The following PLOD1 variants were observed in gnomAD, a reference collection of about 807,000 sequenced individuals.
PLOD1 encodes the protein procollagen-lysine,2-oxoglutarate 5-dioxygenase 1.
In PLOD1, 70 loss-of-function variants were observed where a neutral mutation model predicts 94.7. The observed-to-expected ratio is 0.74, with a 90% CI of 0.61 to 0.90. The LOEUF (loss-of-function observed/expected upper bound fraction) is 0.90. Ranked by LOEUF, PLOD1 falls within the 40% of genes least tolerant of loss-of-function variation. The pLI is 0.00. For missense variants in PLOD1, 905 were observed against 972.7 expected (o/e 0.93, Z 0.93); for synonymous variants, 417 against 400.2 (o/e 1.04, Z -0.50).
intron 15 of PLOD1, among the ~76,000 whole-genome samples, chr1:11,966,680 G>T (rs531898143): frequency 3.3e-5 from 5 of 152,094 alleles, no homozygotes; most frequent in Non-Finnish European, 5.9e-5. Flanking sequence ...GGACCACTTC[G>T]GGGAGTGGCT....
chr1:11,964,300 T>G lies in PLOD1; in HGVS notation c.1328T>G (p.Val443Gly). ...GTGGACATTGTGCAGGGGCGGCGTG[T>G]GTGAGTACCTGCAGGGTGGGGGTGG... is the stretch of plus-strand genomic sequence containing the variant. ...DYVDIVQGRR[V>G]GVWNVPYISN... Residue 443 changes from valine (V) to glycine (G), a missense_variant and splice_region_variant, in exon 12 of 19, where the codon GTT (valine) becomes GGT (glycine). Transcript: ENST00000196061. The G allele has an allele frequency of 6.7e-7, 1 of 1,492,132 alleles. No homozygotes were observed. The highest frequency in any genetic ancestry group is 1.5e-5 in the African/African-American group (1 of 68,628). 92.4% of individuals were successfully genotyped at this position (1,492,132 alleles called of 1,614,324 possible). A position where few individuals can be genotyped will look rare whatever the true frequency, so the allele number is the denominator to read the frequency against.
chr1:11,945,090 T>C (rs1645641335), intron 1 of PLOD1, among the ~76,000 whole-genome samples: 1 of 152,026 alleles, frequency 6.6e-6, no homozygotes. Context: ...AGGGACGTCA[T>C]TGTCACTGGC....
chr1:11,944,615 C>T, intron 1 of PLOD1: 1 of 1,365,006 alleles, frequency 7.3e-7, no homozygotes, highest in Non-Finnish European at 9.8e-7. Context: ...CGGGGGAGCC[C>T]TTCCCCAAGT....
At chr1:11,934,900 A>C in intron 1 of PLOD1, 45 bp downstream of exon 1, 1 of 1,525,652 alleles carries the variant, frequency 6.6e-7, no homozygotes. Context: ...TCCGGGCGGG[A>C]GGGCTGGTGT....
Position 11,966,999 on chromosome 1 carries a change from G to A in PLOD1, c.1663G>A (p.Val555Ile). 6.2e-7 allele frequency: 1 copy of A among 1,612,406 alleles called. No homozygotes were observed. The change falls in exon 16 of 19, where the codon GTC becomes ATC. Residue 555 changes from valine (V) to isoleucine (I), a missense_variant. Physicochemically the swap from Val to Ile is conservative, Grantham distance 29 (BLOSUM62 3). Transcript: ENST00000196061. ...CTGCCCTCCCCAGCCCTGCCCGGAT[G>A]TCTATTGGTTCCCCATCTTCACGGA... Reference protein sequence around the residue: ...GKLVETPCPDVYWFPIFTEVA... With the variant: ...GKLVETPCPDIYWFPIFTEVA...
At chr1:11,944,496 T>C in intron 1 of PLOD1, 1 of 1,323,624 alleles carries the variant, frequency 7.6e-7, no homozygotes, top group Non-Finnish European at 1.0e-6. Flanking sequence ...ATCCATGAAA[T>C]GTGACACTCT....
chr1:11,963,981 G>T lies in PLOD1; in HGVS notation c.1203-194G>T, dbSNP rs116185627. 0.026 allele frequency among the ~76,000 whole-genome samples: 4,018 copies of T among 152,212 alleles called. 150 individuals carry two copies. The highest frequency in any genetic ancestry group is 0.077 in the African/African-American group (3,208 of 41,522). On this transcript the variant is annotated intron_variant, in intron 11 of 18. Coordinates refer to ENST00000196061, the MANE Select transcript of PLOD1 (RefSeq NM_000302.4). This position sits in a 1 kb window ranked among gnomAD's most constrained non-coding sequence, Gnocchi z 4.3. ...TGTCCTGCCCTGTCTGCTCCTGGCT[G>T]CCCCATGGGAGGGAGCAGGTACCAG...
chr1:11,963,405 C>A lies in PLOD1; in HGVS notation c.1098-127C>A. The A allele has an allele frequency of 1.4e-6, 1 of 706,328 alleles. No individual in the cohort carries two copies. The highest frequency in any genetic ancestry group is 2.6e-6 in the Non-Finnish European group (1 of 386,492). 43.8% of individuals were successfully genotyped at this position (706,328 alleles called of 1,614,324 possible). On this transcript the variant is annotated intron_variant, in intron 10 of 18. Coordinates refer to ENST00000196061, the MANE Select transcript of PLOD1 (RefSeq NM_000302.4). This position sits in a 1 kb window ranked among gnomAD's most constrained non-coding sequence, Gnocchi z 4.3. ...TCAGAGTCGGGAGGAACCTTTGAGG[C>A]TGCTGGTGTGACCTCTCTAAAGCCC...
chr1:11,948,080 C>T lies in PLOD1; in HGVS notation c.168+13C>T, dbSNP rs750185258. On this transcript the variant is annotated intron_variant, in intron 2 of 18. Transcript: ENST00000196061. ...CTACAAGATCCAGGTAAGGGGTTTC[C>T]TGGGTGAGGCAGAGACAGTGAGGGG... 1.3e-6 allele frequency: 2 copies of T among 1,580,056 alleles called. No individual in the cohort carries two copies. The highest frequency in any genetic ancestry group is 1.1e-5 in the South Asian group (1 of 90,442).
intron 6 of PLOD1, among the ~76,000 whole-genome samples, chr1:11,956,564 T>C (rs947830664): frequency 3.3e-5 from 5 of 152,112 alleles, no homozygotes; most frequent in African/African-American, 1.2e-4. Flanking sequence ...ACCCTTTCTC[T>C]TGGGGCTTCT....
chr1:11,950,208 G>A (rs1213581290), intron 3 of PLOD1, 149 bp from the exon 4 acceptor site: 3 of 792,384 alleles, frequency 3.8e-6, no homozygotes, highest in African/African-American at 3.4e-5. Flanking sequence ...TGCAGACAGA[G>A]ACAGGTCCAT....
Position 11,963,390 on chromosome 1 carries a change from G to A in PLOD1, c.1098-142G>A, listed in dbSNP as rs1645792172. The A allele has an allele frequency of 2.9e-6, 2 of 686,498 alleles. No individual in the cohort carries two copies. The highest frequency in any genetic ancestry group is 4.1e-5 in the Admixed American group (2 of 49,068). 42.5% of individuals were successfully genotyped at this position (686,498 alleles called of 1,614,324 possible). A position where few individuals can be genotyped will look rare whatever the true frequency, so the allele number is the denominator to read the frequency against. On this transcript the variant is annotated intron_variant, in intron 10 of 18. Transcript: ENST00000196061. The surrounding 1 kb of genome is among the most constrained non-coding windows in gnomAD (Gnocchi z 4.3). Reference sequence around the variant, plus strand: ...CCAGGGGTTTGGGACTCAGAGTCGGGAGGAACCTTTGAGGCTGCTGGTGTG... The same window carrying A: ...CCAGGGGTTTGGGACTCAGAGTCGGAAGGAACCTTTGAGGCTGCTGGTGTG...
intron 18 of PLOD1, among the ~76,000 whole-genome samples, chr1:11,973,606 G>A (rs951077088): frequency 6.6e-6 from 1 of 151,032 alleles, no homozygotes; most frequent in East Asian, 1.9e-4. Flanking sequence ...TCGAGACAGG[G>A]TCTTGCTCTG....
At chr1:11,964,525 G>T (rs1645801871) in intron 12 of PLOD1, 119 bp from the exon 13 acceptor site, 1 of 1,060,674 alleles carries the variant, frequency 9.4e-7, no homozygotes, top group Non-Finnish European at 1.5e-6. Flanking sequence ...CCCCTAGCCT[G>T]TGACTTCCCT....
In PLOD1 at chr1:11,964,631, GTC is replaced by G; in HGVS notation, c.1329-8_1329-7del. On this transcript the variant is annotated splice_polypyrimidine_tract_variant and intron_variant, in intron 12 of 18. Coordinates refer to ENST00000196061, the MANE Select transcript of PLOD1 (RefSeq NM_000302.4). ...AGCCTCTGACCCCCACCCGCTTTCT[GTC>G]TCTCCCACAGTGGTGTCTGGAATGT... The G allele has an allele frequency of 6.2e-7, 1 of 1,610,816 alleles. No homozygotes were observed. Among genetic ancestry groups the G allele is most frequent in the Non-Finnish European group, 8.5e-7 (1 of 1,179,672 alleles).
In PLOD1 at chr1:11,963,741, CTCCTCTTTT is replaced by C; in HGVS notation, c.1202+110_1202+118del. 4.1e-6 allele frequency: 3 copies of C among 736,370 alleles called. No homozygotes were observed. The South Asian group carries it at 4.4e-5, about 11-fold the overall frequency. 45.6% of individuals were successfully genotyped at this position (736,370 alleles called of 1,614,324 possible). On this transcript the variant is annotated intron_variant, in intron 11 of 18. Transcript: ENST00000196061. The surrounding 1 kb of genome is among the most constrained non-coding windows in gnomAD (Gnocchi z 4.3). The stretch of plus-strand genomic sequence containing the variant: ...CCTCCTCCTCATCCACCTCCTCTTC[CTCCTCTTTT>C]TCCTTCTCCTGCTCCTCTTTCTCCT...
In PLOD1 at chr1:11,950,374, C is replaced by T. The variant is rs1293353056; in HGVS notation, c.320C>T (p.Ala107Val). ...GGCCACAGCTATGACGTGCTGTTTG[C>T]ATCGGGGCCCCGGGAGCTCCTGAAG... ...LFADSYDVLF[A>V]SGPRELLKKF... The change falls in exon 4 of 19, where the codon GCA becomes GTA. Residue 107 changes from alanine (A) to valine (V), a missense_variant. Ala to Val is a moderately conservative substitution (Grantham distance 64). Transcript: ENST00000196061. 1 of 1,614,148 alleles carries T rather than the reference C, an allele frequency of 6.2e-7. No homozygotes were observed. Among genetic ancestry groups the T allele is most frequent in the East Asian group, 2.2e-5 (1 of 44,882 alleles).
Position 11,949,452 on chromosome 1 carries a change from CT to C in PLOD1, c.169-320del. 1.3e-5 allele frequency among the ~76,000 whole-genome samples: 2 copies of C among 152,134 alleles called. 1 individual carries two copies. The highest frequency in any genetic ancestry group is 1.3e-4 in the Admixed American group (2 of 15,268). On this transcript the variant is annotated intron_variant, in intron 2 of 18. Coordinates refer to ENST00000196061, the MANE Select transcript of PLOD1 (RefSeq NM_000302.4). The stretch of plus-strand genomic sequence containing the variant: ...TCTCTTTTTTTGAGACGGAGTGTTG[CT>C]CTGTCTCCCAGGCTGAAGTGCAATG...
At chr1:11,937,097 C>T (rs569611835) in intron 1 of PLOD1, among the ~76,000 whole-genome samples, 1 of 152,318 alleles carries the variant, frequency 6.6e-6, no homozygotes, top group African/African-American at 2.4e-5. Flanking sequence ...ATCCGCCTAC[C>T]TCGGCCTCCC....
Sources: allele counts gnomAD v4.1 joint callset (sites outside exome capture counted in the v4.1 genomes callset), GRCh38; gene constraint gnomAD v4.1.1; non-coding constraint Gnocchi (gnomAD v3.1); transcripts MANE v1.5; gene names NCBI Gene and HGNC (gene_info 2026-07-23, HGNC 2026-07-21).